TPD52L2: variants seen among roughly 807,000 people sequenced by gnomAD.
TPD52L2 encodes TPD52 like 2, also known as tumor protein D54.
A neutral mutation model predicts 24.7 loss-of-function variants in TPD52L2; 19 were observed. The observed-to-expected ratio is 0.77, with a 90% CI of 0.54 to 1.13. The LOEUF (loss-of-function observed/expected upper bound fraction) is 1.13. TPD52L2 is among the 50% of genes most tolerant of loss of function. TPD52L2 has a pLI of 0.00. For synonymous variants in TPD52L2, 104 were observed against 100.2 expected (o/e 1.04, Z -0.23); for missense variants, 236 against 250.4 (o/e 0.94, Z 0.39).
Position 63,889,879 on chromosome 20 carries a change from C to T in TPD52L2, c.555C>T (p.Gly185=). 6.2e-7 allele frequency: 1 copy of T among 1,614,182 alleles called. No individual in the cohort carries two copies. Among genetic ancestry groups the T allele is most frequent in the Non-Finnish European group, 8.5e-7 (1 of 1,180,024 alleles). The change falls in exon 7 of 7, where the codon GGC becomes GGT. Residue 185 remains glycine (G), a synonymous_variant. Coordinates refer to ENST00000346249, the MANE Select transcript of TPD52L2 (RefSeq NM_003288.4). ...KSKVVGDREN[G]SDNLPSSAGS... is the part of the protein sequence containing the mutation. ...AGGTTGTGGGTGACAGAGAGAACGG[C>T]AGTGACAACCTCCCTTCCTCAGCGG...
intron 5 of TPD52L2, among the ~76,000 whole-genome samples, chr20:63,886,552 G>T (rs1460705300): frequency 6.6e-6 from 1 of 151,928 alleles, no homozygotes; most frequent in Non-Finnish European, 1.5e-5. Context: ...TAGTAGAGAC[G>T]GGGTTTCACC....
At chr20:63,874,363 CT>C (rs369640456) in intron 3 of TPD52L2, among the ~76,000 whole-genome samples, 5,948 of 133,200 alleles carry the variant, frequency 0.045, 265 homozygotes, top group East Asian at 0.2. Flanking sequence ...CCACGCTGGC[CT>C]TTTTTTTTTT....
intron 4 of TPD52L2, among the ~76,000 whole-genome samples, chr20:63,878,162 C>T (rs2052762660): frequency 6.6e-6 from 1 of 152,262 alleles, no homozygotes; most frequent in East Asian, 1.9e-4. Flanking sequence ...CTCCCTGCAT[C>T]CTGACCCACG....
chr20:63,870,135 A>G (rs1312396576), intron 2 of TPD52L2, among the ~76,000 whole-genome samples: 1 of 152,192 alleles, frequency 6.6e-6, no homozygotes, highest in Non-Finnish European at 1.5e-5. Flanking sequence ...TCAAAAACAA[A>G]ACAAAAACTT....
chr20:63,873,764 G>C lies in TPD52L2; in HGVS notation c.262G>C (p.Glu88Gln). The C allele has an allele frequency of 1.2e-6, 2 of 1,600,040 alleles. No individual in the cohort carries two copies. The highest frequency in any genetic ancestry group is 1.7e-6 in the Non-Finnish European group (2 of 1,174,426). Residue 88 changes from glutamate (E) to glutamine (Q), a missense_variant, in exon 3 of 7, where the codon GAG becomes CAG. Physicochemically the swap from Glu to Gln is conservative, Grantham distance 29. Coordinates refer to ENST00000346249, the MANE Select transcript of TPD52L2 (RefSeq NM_003288.4). ...GAGGCTGGGCCTCTCCACCCTGGGG[G>C]AGCTGAAACAGAACCTGTCCAGGAG... ...KRRLGLSTLG[E>Q]LKQNLSRSWH... is the part of the protein sequence containing the mutation.
chr20:63,885,819 G>C (rs1455363364), intron 5 of TPD52L2, among the ~76,000 whole-genome samples: 1 of 152,214 alleles, frequency 6.6e-6, no homozygotes, highest in Non-Finnish European at 1.5e-5. Context: ...GTCAGGACTT[G>C]AGGAGACTGG....
chr20:63,889,225 T>C lies in TPD52L2; in HGVS notation c.512T>C (p.Val171Ala). 1.2e-6 allele frequency: 2 copies of C among 1,613,234 alleles called. No individual in the cohort carries two copies. Among genetic ancestry groups the C allele is most frequent in the Non-Finnish European group, 1.7e-6 (2 of 1,179,618 alleles). ...SATFKSFEDR[V>A]GTIKSKVVGD... ...ACCTTCAAGTCGTTTGAGGACCGAG[T>C]TGGGACCATAAAGGTAATTGTACCT... Residue 171 changes from valine (V) to alanine (A), a missense_variant, in exon 6 of 7, where the codon GTT becomes GCT. Coordinates refer to ENST00000346249, the MANE Select transcript of TPD52L2 (RefSeq NM_003288.4).
chr20:63,872,768 T>A lies in TPD52L2; in HGVS notation c.166-900T>A, dbSNP rs141996676. Reference sequence around the variant, plus strand: ...CCCAGGCTGGAGTGCAGTGGCACAATCTTGGCTCACCCGCAAGCTCTGCCT... The same window carrying A: ...CCCAGGCTGGAGTGCAGTGGCACAAACTTGGCTCACCCGCAAGCTCTGCCT... On this transcript the variant is annotated intron_variant, in intron 2 of 6. Coordinates refer to ENST00000346249, the MANE Select transcript of TPD52L2 (RefSeq NM_003288.4). Among the ~76,000 whole-genome samples, 771 of 151,112 alleles carry A rather than the reference T, an allele frequency of 5.1e-3. 6 individuals carry two copies. Among genetic ancestry groups the A allele is most frequent in the African/African-American group, 0.018 (729 of 41,106 alleles).
At chr20:63,870,510 A>G (rs2052417451) in intron 2 of TPD52L2, among the ~76,000 whole-genome samples, 1 of 151,538 alleles carries the variant, frequency 6.6e-6, no homozygotes, top group Non-Finnish European at 1.5e-5. Flanking sequence ...TTGAATTACA[A>G]TAAGGTGAAG....
chr20:63,866,514 G>T (rs2052241905), intron 1 of TPD52L2, among the ~76,000 whole-genome samples: 2 of 152,046 alleles, frequency 1.3e-5, no homozygotes, highest in African/African-American at 2.4e-5. Flanking sequence ...AGGCTGGAGC[G>T]CAGTGGCTAG....
At chr20:63,872,811 C>A (rs538198358) in intron 2 of TPD52L2, among the ~76,000 whole-genome samples, 2 of 149,212 alleles carry the variant, frequency 1.3e-5, no homozygotes, top group Non-Finnish European at 3.0e-5. Flanking sequence ...TCACACCATT[C>A]TCCTGCCTCA....
chr20:63,884,159 C>G (rs540346539), intron 5 of TPD52L2, among the ~76,000 whole-genome samples: 1 of 152,236 alleles, frequency 6.6e-6, no homozygotes, highest in Non-Finnish European at 1.5e-5. Context: ...TGCACCCTCA[C>G]ACGCCCAAGG....
In TPD52L2 at chr20:63,877,467, G is replaced by T. The variant is rs1298453195; in HGVS notation, c.374+1592G>T. Among the ~76,000 whole-genome samples, 1 of 152,190 alleles carries T rather than the reference G, an allele frequency of 6.6e-6. No individual in the cohort carries two copies. Among genetic ancestry groups the T allele is most frequent in the Non-Finnish European group, 1.5e-5 (1 of 68,034 alleles). ...ACCCACTGCACCCGGCTTGAGCAGGGTGTTCTAGGGACCCTGGTGGGCTGT... is the reference window on the plus strand; with the variant it reads ...ACCCACTGCACCCGGCTTGAGCAGGTTGTTCTAGGGACCCTGGTGGGCTGT... On this transcript the variant is annotated intron_variant, in intron 4 of 6. Coordinates refer to ENST00000346249, the MANE Select transcript of TPD52L2 (RefSeq NM_003288.4). This position sits in a 1 kb window ranked among gnomAD's most constrained non-coding sequence, Gnocchi z 4.1.
chr20:63,887,426 TG>T, intron 5 of TPD52L2: 1 of 968,914 alleles, frequency 1.0e-6, no homozygotes, highest in Non-Finnish European at 1.7e-6. Context: ...GGGCATTGTG[TG>T]GAGGGGCAGG....
chr20:63,887,623 G>A (rs376765531), intron 5 of TPD52L2: 444 of 1,611,874 alleles, frequency 2.8e-4, no homozygotes, highest in Non-Finnish European at 3.6e-4. Flanking sequence ...ATGCCTGCTC[G>A]CTGCGGCTCC....
intron 2 of TPD52L2, 103 bp downstream of exon 2, chr20:63,869,544 GGT>G: frequency 7.0e-7 from 1 of 1,432,440 alleles, no homozygotes; most frequent in Non-Finnish European, 9.7e-7. Flanking sequence ...AATTGCCCTG[GGT>G]GGTCACCTAC....
chr20:63,871,121 G>A (rs1434247228), intron 2 of TPD52L2, among the ~76,000 whole-genome samples: 1 of 146,576 alleles, frequency 6.8e-6, no homozygotes. Context: ...CAGCTCACTG[G>A]AGCCTCTGCC....
In TPD52L2 at chr20:63,873,756, C is replaced by A; in HGVS notation, c.254C>A (p.Thr85Asn). 6.2e-7 allele frequency: 1 copy of A among 1,602,198 alleles called. No homozygotes were observed. ...CTCAAGAGGAGGCTGGGCCTCTCCA[C>A]CCTGGGGGAGCTGAAACAGAACCTG... is the stretch of plus-strand genomic sequence containing the variant. ...GELKRRLGLSTLGELKQNLSR... is the reference protein window; with the variant it reads ...GELKRRLGLSNLGELKQNLSR... The change falls in exon 3 of 7, where the codon ACC (threonine) becomes AAC (asparagine). Residue 85 changes from threonine to asparagine, a missense_variant. Transcript: ENST00000346249.
chr20:63,889,183 T>C lies in TPD52L2; in HGVS notation c.477-7T>C, dbSNP rs2053241764. On this transcript the variant is annotated splice_polypyrimidine_tract_variant and splice_region_variant and intron_variant, in intron 5 of 6. Coordinates refer to ENST00000346249, the MANE Select transcript of TPD52L2 (RefSeq NM_003288.4). Reference sequence around the variant, plus strand: ...TGACACCGACACTCTTCCCTCTCTCTTTAAAGGAACTCTGCGACCTTCAAG... The same window carrying C: ...TGACACCGACACTCTTCCCTCTCTCCTTAAAGGAACTCTGCGACCTTCAAG... The C allele has an allele frequency of 6.2e-7, 1 of 1,613,288 alleles. No individual in the cohort carries two copies. Among genetic ancestry groups the C allele is most frequent in the East Asian group, 2.2e-5 (1 of 44,890 alleles).
Sources: allele counts gnomAD v4.1 joint callset (sites outside exome capture counted in the v4.1 genomes callset), GRCh38; gene constraint gnomAD v4.1.1; non-coding constraint Gnocchi (gnomAD v3.1); transcripts MANE v1.5; gene names NCBI Gene and HGNC (gene_info 2026-07-23, HGNC 2026-07-21).